The following TMEM163 variants were observed in gnomAD, a reference collection of about 807,000 sequenced individuals.
TMEM163 encodes the protein transmembrane protein 163.
In TMEM163, 17 loss-of-function variants were observed where a neutral mutation model predicts 29.3. The observed-to-expected ratio is 0.58, with a 90% CI of 0.40 to 0.87. The LOEUF (loss-of-function observed/expected upper bound fraction) is 0.87, where lower values mean the gene tolerates loss of function less well. Ranked by LOEUF, TMEM163 falls within the 40% of genes least tolerant of loss-of-function variation. The pLI is 0.00. For synonymous variants in TMEM163, 157 were observed against 160.6 expected, an observed-to-expected ratio of 0.98 and a Z score of 0.17; for missense variants, 303 against 381.5, an observed-to-expected ratio of 0.79 and a Z score of 1.71.
intron 2 of TMEM163, 41 bp from the exon 3 acceptor site, chr2:134,552,132 T>C (rs1160868590): frequency 6.5e-7 from 1 of 1,539,944 alleles, no homozygotes; most frequent in African/African-American, 1.4e-5. Flanking sequence ...TTTTAAAACC[T>C]CTCTCATTTT....
At chr2:134,525,984 C>A (rs941530610) in intron 4 of TMEM163, among the ~76,000 whole-genome samples, 1 of 152,186 alleles carries the variant, frequency 6.6e-6, no homozygotes, top group Admixed American at 6.5e-5. Context: ...GTTCATCAGG[C>A]TGTTGGAAGG....
chr2:134,714,606 G>T (rs796480486), intron 1 of TMEM163, among the ~76,000 whole-genome samples: 4 of 152,296 alleles, frequency 2.6e-5, no homozygotes, highest in African/African-American at 9.6e-5. Context: ...AAGCCAGAAT[G>T]TCAAGAAGGT....
chr2:134,605,485 G>A (rs1246901417), intron 2 of TMEM163, among the ~76,000 whole-genome samples: 1 of 152,024 alleles, frequency 6.6e-6, no homozygotes, highest in African/African-American at 2.4e-5. Flanking sequence ...ATCACCTGAG[G>A]TCAGGAGTTC....
At chr2:134,614,447 A>AT (rs1224515266) in intron 2 of TMEM163, among the ~76,000 whole-genome samples, 3 of 152,148 alleles carry the variant, frequency 2.0e-5, no homozygotes, top group African/African-American at 7.2e-5. Flanking sequence ...ATATTCTAAT[A>AT]TTTTCACAAC....
rs115092623 is a variant in TMEM163, at chr2:134,606,633, C to T, written c.323-54542G>A. On this transcript the variant is annotated intron_variant, in intron 2 of 7. Coordinates refer to ENST00000281924, the MANE Select transcript of TMEM163 (RefSeq NM_030923.5). ...AGGGGCTGTGCCTCCTGTGTCATCGCGCCCCAGCACCTATAGATGAACTGG... is the reference window on the plus strand; with the variant it reads ...AGGGGCTGTGCCTCCTGTGTCATCGTGCCCCAGCACCTATAGATGAACTGG... Among the ~76,000 whole-genome samples the T allele has an allele frequency of 6.7e-3, 1,024 of 152,208 alleles. 14 individuals are homozygous for T. The highest frequency in any genetic ancestry group is 0.023 in the African/African-American group (961 of 41,528).
intron 2 of TMEM163, among the ~76,000 whole-genome samples, chr2:134,620,015 GA>G (rs1438816193): frequency 6.6e-6 from 1 of 152,032 alleles, no homozygotes; most frequent in East Asian, 1.9e-4. Flanking sequence ...AAATATTACT[GA>G]AAATAAAGAT....
rs184082698 is a variant in TMEM163, at chr2:134,621,252, G to T, written c.323-69161C>A. ...ATGCTTAATAATATTAGTCATTAGG[G>T]CAATACAAATGAAAACAAGATACTA... On this transcript the variant is annotated intron_variant, in intron 2 of 7. Coordinates refer to ENST00000281924, the MANE Select transcript of TMEM163 (RefSeq NM_030923.5). Among the ~76,000 whole-genome samples the T allele has an allele frequency of 3.8e-3, 583 of 152,226 alleles. 7 individuals carry two copies. The highest frequency in any genetic ancestry group is 0.013 in the African/African-American group (549 of 41,532).
chr2:134,539,074 GTACCTACTT>G (rs1327947357), intron 4 of TMEM163, among the ~76,000 whole-genome samples: 2 of 152,116 alleles, frequency 1.3e-5, no homozygotes, highest in African/African-American at 4.8e-5. Flanking sequence ...CATGTATTGA[GTACCTACTT>G]TAGGTCAAAC....
intron 5 of TMEM163, among the ~76,000 whole-genome samples, chr2:134,493,170 C>T (rs1022204253): frequency 1.3e-5 from 2 of 151,654 alleles, no homozygotes; most frequent in Non-Finnish European, 2.9e-5. Context: ...CATATAAGTC[C>T]CTTTTCTTAT....
At chr2:134,509,121 G>A (rs758548833) in intron 4 of TMEM163, among the ~76,000 whole-genome samples, 1 of 152,232 alleles carries the variant, frequency 6.6e-6, no homozygotes, top group Non-Finnish European at 1.5e-5. Context: ...CTCTAGAGCA[G>A]AGCAGACCCA....
chr2:134,487,494 C>T (rs1209961136), intron 5 of TMEM163, among the ~76,000 whole-genome samples: 2 of 152,112 alleles, frequency 1.3e-5, no homozygotes, highest in African/African-American at 2.4e-5. Context: ...TTAATAAATT[C>T]GATGCAACTT....
intron 2 of TMEM163, among the ~76,000 whole-genome samples, chr2:134,694,995 T>C (rs1378076400): frequency 6.6e-6 from 1 of 152,126 alleles, no homozygotes; most frequent in East Asian, 1.9e-4. Flanking sequence ...CCTGAATTCC[T>C]CCTTAAAGAC....
chr2:134,690,035 A>C (rs1388409082), intron 2 of TMEM163, among the ~76,000 whole-genome samples: 1 of 151,558 alleles, frequency 6.6e-6, no homozygotes. Context: ...GGTTCAAGCA[A>C]CTCTCGTGCC....
chr2:134,495,223 C>T (rs1423631773), intron 5 of TMEM163, among the ~76,000 whole-genome samples: 3 of 152,126 alleles, frequency 2.0e-5, no homozygotes, highest in African/African-American at 7.2e-5. Flanking sequence ...CTAGGAGACA[C>T]CCGAAAAAGA....
chr2:134,535,862 A>G (rs1268982017), intron 4 of TMEM163, among the ~76,000 whole-genome samples: 1 of 152,052 alleles, frequency 6.6e-6, no homozygotes, highest in Non-Finnish European at 1.5e-5. Context: ...AGCTGGGACT[A>G]CAGATGTGCA....
intron 2 of TMEM163, among the ~76,000 whole-genome samples, chr2:134,708,117 C>T (rs1684857738): frequency 1.3e-5 from 2 of 152,304 alleles, no homozygotes; most frequent in Admixed American, 1.3e-4. Flanking sequence ...AAACTCCTGA[C>T]TTCAAATGAT....
At chr2:134,611,804 A>G (rs1239510244) in intron 2 of TMEM163, among the ~76,000 whole-genome samples, 1 of 152,186 alleles carries the variant, frequency 6.6e-6, no homozygotes, top group Non-Finnish European at 1.5e-5. Context: ...CAGCCCTCTC[A>G]ACGACGGCCA....
chr2:134,587,763 T>C (rs1342216262), intron 2 of TMEM163, among the ~76,000 whole-genome samples: 1 of 152,234 alleles, frequency 6.6e-6, no homozygotes, highest in Non-Finnish European at 1.5e-5. Flanking sequence ...GTGGAAAACC[T>C]GGAAGGCTCC....
intron 2 of TMEM163, among the ~76,000 whole-genome samples, chr2:134,638,647 G>A (rs1683160426): frequency 6.6e-6 from 1 of 152,130 alleles, no homozygotes; most frequent in South Asian, 2.1e-4. Context: ...ACCACAGAGG[G>A]AAAAATTAAT....
Sources: gnomAD v4.1 joint callset for allele counts (sites outside exome capture counted in the v4.1 genomes callset) on GRCh38, gnomAD v4.1.1 for gene constraint, MANE v1.5 for transcripts, NCBI Gene and HGNC (gene_info 2026-07-23, HGNC 2026-07-21) for gene names.